Variants in CCNY observed in about 807,000 individuals in gnomAD.
CCNY encodes cyclin Y, also known as cyclin-Y.
A neutral mutation model predicts 42.8 loss-of-function variants in CCNY; 19 were observed. The observed-to-expected ratio is 0.44, with a 90% CI of 0.31 to 0.65. The LOEUF (loss-of-function observed/expected upper bound fraction) is 0.65. Ranked by LOEUF, CCNY falls within the 30% of genes least tolerant of loss-of-function variation. The probability of loss-of-function intolerance (pLI) is 0.07; values close to 1 mark genes in which losing one functional copy is unlikely to be tolerated. For missense variants in CCNY, 370 were observed against 437.3 expected (o/e 0.85, Z 1.37); for synonymous variants, 165 against 162.7 (o/e 1.01, Z -0.11).
chr10:35,460,868 A>G lies in CCNY; in HGVS notation c.155-22536A>G, dbSNP rs375150204. On this transcript the variant is annotated intron_variant, in intron 1 of 9. Transcript: ENST00000374704. ...GAGCATGGATGATAAGTGATGCTCC[A>G]TGCCAAGCACTGTACTGTGTCTAAG... Among the ~76,000 whole-genome samples the G allele has an allele frequency of 4.7e-4, 71 of 152,376 alleles. 2 individuals are homozygous for G. The South Asian group carries it at 0.014, about 30-fold the overall frequency.
At chr10:35,484,289 G>C (rs1020994499) in intron 2 of CCNY, among the ~76,000 whole-genome samples, 1 of 152,150 alleles carries the variant, frequency 6.6e-6, no homozygotes, top group African/African-American at 2.4e-5. Context: ...AAATGGACTA[G>C]AAAATAACCA....
intron 1 of CCNY, among the ~76,000 whole-genome samples, chr10:35,474,298 G>T (rs868116287): frequency 6.6e-6 from 1 of 152,240 alleles, no homozygotes; most frequent in Non-Finnish European, 1.5e-5. Flanking sequence ...GCCCACCACA[G>T]CTCAAGGAGG....
In CCNY at chr10:35,562,661, G is replaced by A. The variant is rs566394903; in HGVS notation, c.747-3362G>A. On this transcript the variant is annotated intron_variant, in intron 8 of 9. Coordinates refer to ENST00000374704, the MANE Select transcript of CCNY (RefSeq NM_145012.6). ...GTGTCTGAATTTCCTTTCTTTTTAG[G>A]GCTGTATAATACTTCACTGGGGGTC... Among the ~76,000 whole-genome samples, 71 of 151,846 alleles carry A rather than the reference G, an allele frequency of 4.7e-4. 1 individual carries two copies. The highest frequency in any genetic ancestry group is 9.4e-4 in the Non-Finnish European group (64 of 67,990).
At chr10:35,399,786 A>G (rs1837604965) in intron 1 of CCNY, among the ~76,000 whole-genome samples, 1 of 152,200 alleles carries the variant, frequency 6.6e-6, no homozygotes, top group Non-Finnish European at 1.5e-5. Context: ...AGCAGATCCC[A>G]GTAATATGCT....
chr10:35,429,780 T>C (rs1045198516), intron 1 of CCNY, among the ~76,000 whole-genome samples: 3 of 152,232 alleles, frequency 2.0e-5, no homozygotes, highest in African/African-American at 7.2e-5. Context: ...AAGAAATTTC[T>C]GTTGTTGCTA....
Position 35,261,066 on chromosome 10 carries a change from G to A in CCNY, c.-9+10440G>A, listed in dbSNP as rs371163920. On this transcript the variant is annotated intron_variant, in intron 3 of 11. Coordinates refer to the CCNY transcript ENST00000374706. ...GTTGAGGCCACAGTGAGCCGTGATT[G>A]TGCTACTGCACTCCGCCTAGGTGAC... 1.4e-4 allele frequency among the ~76,000 whole-genome samples: 21 copies of A among 152,152 alleles called. 1 individual carries two copies. Among genetic ancestry groups the A allele is most frequent in the African/African-American group, 5.1e-4 (21 of 41,508 alleles).
intron 1 of CCNY, among the ~76,000 whole-genome samples, chr10:35,343,349 C>T (rs1439960592): frequency 6.7e-6 from 1 of 149,666 alleles, no homozygotes; most frequent in Non-Finnish European, 1.5e-5. Context: ...TAGATTTTCT[C>T]ACCTTCTCAC....
At position 35,280,478 on chromosome 10, in the gene CCNY, AGAAGGAAG is replaced by A. The variant is rs144433317; in HGVS notation, c.-9+29877_-9+29884del. ...AGGAAAGAAGGGAGGAAGGAAGGAA[AGAAGGAAG>A]GAAGGAAGGAAGGAAGGAAGGAAGA... On this transcript the variant is annotated intron_variant, in intron 3 of 11. Transcript: ENST00000374706. Among the ~76,000 whole-genome samples the A allele has an allele frequency of 7.4e-3, 1,093 of 148,396 alleles. 14 individuals carry two copies. The highest frequency in any genetic ancestry group is 0.021 in the African/African-American group (837 of 40,112).
chr10:35,555,764 T>C (rs1204183092), intron 8 of CCNY, among the ~76,000 whole-genome samples: 2 of 152,202 alleles, frequency 1.3e-5, no homozygotes, highest in Non-Finnish European at 2.9e-5. Flanking sequence ...CACAGAGAAG[T>C]TAAAACAGTT....
chr10:35,260,251 G>A (rs985540130), intron 3 of CCNY, among the ~76,000 whole-genome samples: 1 of 152,150 alleles, frequency 6.6e-6, no homozygotes, highest in Non-Finnish European at 1.5e-5. Flanking sequence ...GAGTCAGACA[G>A]GACCACAGGG....
chr10:35,483,473 C>T lies in CCNY; in HGVS notation c.224C>T (p.Thr75Met), dbSNP rs756155029. Residue 75 changes from threonine (T) to methionine (M), a missense_variant, in exon 2 of 10, where the codon ACG becomes ATG. Thr to Met is a moderately conservative substitution (Grantham distance 81, BLOSUM62 -1). This residue lies in a region of CCNY where 136 missense variants were observed against 124.2 expected (regional missense o/e 1.09). Transcript: ENST00000374704. ...ASTIFLSKSQTDVREKRKSLF... is the reference protein window; with the variant it reads ...ASTIFLSKSQMDVREKRKSLF... ...ACAATATTCCTCAGTAAATCTCAGA[C>T]GGACGGTAGGTCCTTAATTTATGTT... is the stretch of plus-strand genomic sequence containing the variant. 1.4e-5 allele frequency: 22 copies of T among 1,596,672 alleles called. No homozygotes were observed. Among genetic ancestry groups the T allele is most frequent in the East Asian group, 4.5e-5 (2 of 44,732 alleles).
chr10:35,317,943 T>C (rs1373635116), intron 3 of CCNY, among the ~76,000 whole-genome samples: 2 of 152,208 alleles, frequency 1.3e-5, no homozygotes, highest in Non-Finnish European at 2.9e-5. Flanking sequence ...TCTTACATAG[T>C]TCCAGCCTGG....
At chr10:35,568,055 G>A (rs1246846551) in intron 9 of CCNY, among the ~76,000 whole-genome samples, 2 of 152,182 alleles carry the variant, frequency 1.3e-5, no homozygotes, top group African/African-American at 4.8e-5. Flanking sequence ...TATGGCTCTA[G>A]TGGCTGCTTC....
At chr10:35,350,665 G>A (rs1836410271) in intron 1 of CCNY, among the ~76,000 whole-genome samples, 1 of 152,140 alleles carries the variant, frequency 6.6e-6, no homozygotes, top group Non-Finnish European at 1.5e-5. Context: ...AACTTTGAAG[G>A]GGAGAAAAAC....
intron 3 of CCNY, among the ~76,000 whole-genome samples, chr10:35,262,497 T>G (rs1343490352): frequency 6.6e-6 from 1 of 151,866 alleles, no homozygotes. Flanking sequence ...TAGCTGGGAC[T>G]ACAGGTGCAC....
intron 3 of CCNY, among the ~76,000 whole-genome samples, chr10:35,509,741 C>T (rs946759150): frequency 1.6e-4 from 25 of 152,188 alleles, no homozygotes; most frequent in African/African-American, 6.0e-4. Flanking sequence ...GTGCCTTCCC[C>T]GCATGGGCAT....
At chr10:35,251,779 G>A (rs1327601403) in intron 3 of CCNY, among the ~76,000 whole-genome samples, 1 of 151,912 alleles carries the variant, frequency 6.6e-6, no homozygotes, top group East Asian at 1.9e-4. Context: ...TGTAGAGATG[G>A]AGTTTCATTA....
intron 3 of CCNY, among the ~76,000 whole-genome samples, chr10:35,311,495 G>A (rs2135085777): frequency 6.6e-6 from 1 of 152,042 alleles, no homozygotes; most frequent in Non-Finnish European, 1.5e-5. Flanking sequence ...TGGGCAAAAT[G>A]GCCAGACCCT....
intron 3 of CCNY, chr10:35,251,190 A>C (rs2095711797): frequency 6.6e-6 from 1 of 152,120 alleles, no homozygotes; most frequent in South Asian, 2.1e-4. Flanking sequence ...TTAGCTGGGG[A>C]GTTTGAGACC....
Sources: gnomAD v4.1 joint callset for allele counts (sites outside exome capture counted in the v4.1 genomes callset) on GRCh38, gnomAD v4.1.1 for gene constraint, gnomAD v4.1.1 regional missense constraint, MANE v1.5 for transcripts, NCBI Gene and HGNC (gene_info 2026-07-23, HGNC 2026-07-21) for gene names.